ADAMTS6: variants seen among roughly 807,000 people sequenced by gnomAD.
ADAMTS6 encodes ADAM metallopeptidase with thrombospondin type 1 motif 6.
A neutral mutation model predicts 144.3 loss-of-function variants in ADAMTS6; 23 were observed. The observed-to-expected ratio is 0.16, with a 90% CI of 0.11 to 0.23. The LOEUF is 0.23. ADAMTS6 is among the 10% of genes least tolerant of loss of function. ADAMTS6 has a pLI of 1.00. For synonymous variants in ADAMTS6, 444 were observed against 457.5 expected, an observed-to-expected ratio of 0.97 and a Z score of 0.38; for missense variants, 999 against 1,379.6, an observed-to-expected ratio of 0.72 and a Z score of 4.37.
At chr5:65,345,960 T>C (rs1295569553) in intron 7 of ADAMTS6, among the ~76,000 whole-genome samples, 1 of 151,880 alleles carries the variant, frequency 6.6e-6, no homozygotes, top group South Asian at 2.1e-4. Flanking sequence ...AACTCAATTG[T>C]CCCCAAAATC....
chr5:65,473,482 CA>C (rs569085448), intron 2 of ADAMTS6, 94 bp downstream of exon 2: 102 of 1,092,416 alleles, frequency 9.3e-5, no homozygotes, highest in Admixed American at 1.2e-4. Context: ...CTACATATCC[CA>C]AAAAAAACTA....
At chr5:65,153,348 C>T (rs1461245060) in intron 24 of ADAMTS6, among the ~76,000 whole-genome samples, 1 of 152,156 alleles carries the variant, frequency 6.6e-6, no homozygotes, top group Non-Finnish European at 1.5e-5. Flanking sequence ...CCAGGATTCT[C>T]AGTAAATTTA....
At chr5:65,329,197 A>G (rs1411583579) in intron 9 of ADAMTS6, among the ~76,000 whole-genome samples, 181 bp downstream of exon 9, 1 of 152,140 alleles carries the variant, frequency 6.6e-6, no homozygotes, top group Admixed American at 6.6e-5. Context: ...AACAAAGATT[A>G]TCTAACAAGT....
At chr5:65,427,866 C>T (rs1756676239) in intron 7 of ADAMTS6, among the ~76,000 whole-genome samples, 1 of 150,852 alleles carries the variant, frequency 6.6e-6, no homozygotes, top group South Asian at 2.1e-4. Flanking sequence ...TAATTTAAAG[C>T]CAAACTTGTA....
At chr5:65,332,144 A>C (rs958176535) in intron 8 of ADAMTS6, among the ~76,000 whole-genome samples, 1 of 151,650 alleles carries the variant, frequency 6.6e-6, no homozygotes, top group African/African-American at 2.4e-5. Context: ...TATCAAAATA[A>C]AAGTAAAATT....
intron 12 of ADAMTS6, among the ~76,000 whole-genome samples, chr5:65,273,000 G>A (rs368912545): frequency 1.4e-4 from 21 of 151,264 alleles, no homozygotes; most frequent in Admixed American, 5.3e-4. Flanking sequence ...ATAATTTTCC[G>A]GGGAATTATT....
chr5:65,198,748 C>G, intron 20 of ADAMTS6: 1 of 165,874 alleles, frequency 6.0e-6, no homozygotes. Flanking sequence ...AACTTACTGG[C>G]AAAATGTCCT....
chr5:65,215,258 T>C (rs1756831139), intron 19 of ADAMTS6, 66 bp downstream of exon 19: 1 of 1,519,222 alleles, frequency 6.6e-7, no homozygotes. Flanking sequence ...TAATAAAACC[T>C]GCCCCTTCCT....
Position 65,460,257 on chromosome 5 carries a change from A to T in ADAMTS6, c.544T>A (p.Tyr182Asn). 1 of 1,614,104 alleles carries T rather than the reference A, an allele frequency of 6.2e-7. No individual in the cohort carries two copies. Among genetic ancestry groups the T allele is most frequent in the South Asian group, 1.1e-5 (1 of 91,086 alleles). Reference protein sequence around the residue: ...NTTEDSKHFSYENGHPHVIYK... With the variant: ...NTTEDSKHFSNENGHPHVIYK... ...ATAACATGAGGGTGGCCATTTTCAT[A>T]ACTAAAATGCTTGGAATCCTCTGTG... The change falls in exon 4 of 25, where the codon TAT becomes AAT. Residue 182 changes from tyrosine (Y) to asparagine (N), a missense_variant. Physicochemically the swap from Tyr to Asn is moderately radical, Grantham distance 143 (BLOSUM62 -2). This residue lies in a region of ADAMTS6 where 252 missense variants were observed against 293.7 expected (regional missense o/e 0.86). Coordinates refer to ENST00000381055, the MANE Select transcript of ADAMTS6 (RefSeq NM_197941.4).
intron 14 of ADAMTS6, among the ~76,000 whole-genome samples, chr5:65,246,443 G>C (rs893867415): frequency 2.6e-5 from 4 of 152,156 alleles, no homozygotes; most frequent in Admixed American, 2.6e-4. Flanking sequence ...AAATAGATTA[G>C]AGTTCTGCTT....
chr5:65,364,371 ACT>A (rs1703668419), intron 7 of ADAMTS6, among the ~76,000 whole-genome samples: 1 of 152,028 alleles, frequency 6.6e-6, no homozygotes, highest in South Asian at 2.1e-4. Flanking sequence ...TCATTAAACA[ACT>A]CTCTTTCAAT....
At chr5:65,292,332 T>C (rs1002021071) in intron 10 of ADAMTS6, among the ~76,000 whole-genome samples, 2 of 151,858 alleles carry the variant, frequency 1.3e-5, no homozygotes, top group African/African-American at 2.4e-5. Flanking sequence ...AGAATTCCTA[T>C]GCCAACATTT....
At chr5:65,333,997 T>TAAAAAAAAAA (rs750637450) in intron 8 of ADAMTS6, 45 bp downstream of exon 8, 168 of 842,308 alleles carry the variant, frequency 2.0e-4, no homozygotes, top group East Asian at 6.1e-4. Flanking sequence ...CTACCTTTAT[T>TAAAAAAAAAA]AAAAAAAAAA....
chr5:65,431,530 G>T (rs983586366), intron 7 of ADAMTS6, among the ~76,000 whole-genome samples: 1 of 152,118 alleles, frequency 6.6e-6, no homozygotes, highest in Non-Finnish European at 1.5e-5. Context: ...CAGGACCAAA[G>T]ATATGAGACA....
chr5:65,352,466 G>T (rs964719334), intron 7 of ADAMTS6, among the ~76,000 whole-genome samples: 4 of 151,976 alleles, frequency 2.6e-5, no homozygotes, highest in Non-Finnish European at 4.4e-5. Flanking sequence ...GGGAAGGGAC[G>T]GGGTAAGAAA....
intron 11 of ADAMTS6, among the ~76,000 whole-genome samples, chr5:65,284,020 C>T (rs1763180982): frequency 6.6e-6 from 1 of 152,070 alleles, no homozygotes; most frequent in South Asian, 2.1e-4. Context: ...CTGCTATCCT[C>T]TCCCAAGTTG....
At chr5:65,332,312 T>TAGAG (rs10673039) in intron 8 of ADAMTS6, among the ~76,000 whole-genome samples, 1,090 of 102,048 alleles carry the variant, frequency 0.011, 9 homozygotes, top group Middle Eastern at 0.022. Flanking sequence ...TATATATATA[T>TAGAG]AGAGAGAGAG....
intron 20 of ADAMTS6, chr5:65,209,898 GC>G (rs1467423232): frequency 6.6e-6 from 1 of 152,614 alleles, no homozygotes; most frequent in Non-Finnish European, 1.5e-5. Context: ...TGCTGGGCCT[GC>G]AGGTCTCTGT....
intron 9 of ADAMTS6, among the ~76,000 whole-genome samples, chr5:65,324,193 A>C (rs1745942135): frequency 6.6e-6 from 1 of 152,032 alleles, no homozygotes; most frequent in South Asian, 2.1e-4. Flanking sequence ...AGTCCTTGCA[A>C]ACCAACCAAC....
Sources: gnomAD v4.1 joint callset for allele counts (sites outside exome capture counted in the v4.1 genomes callset) on GRCh38, gnomAD v4.1.1 for gene constraint, gnomAD v4.1.1 regional missense constraint, MANE v1.5 for transcripts, NCBI Gene and HGNC (gene_info 2026-07-23, HGNC 2026-07-21) for gene names.